The following MARCHF1 variants were observed in gnomAD, a reference collection of about 807,000 sequenced individuals.
MARCHF1 encodes membrane associated ring-CH-type finger 1.
MARCHF1 carries 40 observed loss-of-function variants against 54.2 expected under a neutral mutation model. The ratio of observed to expected loss-of-function variants is 0.74; its 90% confidence interval spans 0.57 to 0.96. The LOEUF (loss-of-function observed/expected upper bound fraction) is 0.96, where lower values mean the gene tolerates loss of function less well. Ranked by LOEUF, MARCHF1 falls within the 40% of genes least tolerant of loss-of-function variation. MARCHF1 has a pLI of 0.00. For synonymous variants in MARCHF1, 236 were observed against 236.3 expected, an observed-to-expected ratio of 1.00 and a Z score of 0.01; for missense variants, 586 against 656.5, an observed-to-expected ratio of 0.89 and a Z score of 1.17.
At chr4:164,282,142 C>T (rs1222488841) in intron 1 of MARCHF1, among the ~76,000 whole-genome samples, 1 of 150,684 alleles carries the variant, frequency 6.6e-6, no homozygotes, top group Non-Finnish European at 1.5e-5. Context: ...TTTCTTCTCC[C>T]TCACATCACA....
intron 3 of MARCHF1, among the ~76,000 whole-genome samples, chr4:163,951,847 C>G (rs191788268): frequency 1.3e-5 from 2 of 152,180 alleles, no homozygotes; most frequent in South Asian, 2.1e-4. Context: ...TATGAAGGTA[C>G]CTTAGAATGA....
At chr4:163,870,928 G>A (rs1003357237) in intron 3 of MARCHF1, among the ~76,000 whole-genome samples, 2 of 151,902 alleles carry the variant, frequency 1.3e-5, no homozygotes, top group Admixed American at 1.3e-4. Flanking sequence ...AGCACTATAG[G>A]GTGACTATAA....
chr4:163,688,862 TTGAG>T (rs1194268153), intron 5 of MARCHF1, among the ~76,000 whole-genome samples: 3 of 152,170 alleles, frequency 2.0e-5, no homozygotes, highest in South Asian at 2.1e-4. Flanking sequence ...TACTGAATTA[TTGAG>T]TATCTGCAAA....
At chr4:164,122,430 G>C (rs74207024) in intron 1 of MARCHF1, among the ~76,000 whole-genome samples, 1 of 152,122 alleles carries the variant, frequency 6.6e-6, no homozygotes, top group African/African-American at 2.4e-5. Flanking sequence ...TTTGTCAGCC[G>C]CATGTACAGT....
intron 4 of MARCHF1, among the ~76,000 whole-genome samples, chr4:163,720,573 T>G (rs191425891): frequency 7.2e-5 from 11 of 152,308 alleles, no homozygotes; most frequent in African/African-American, 1.9e-4. Flanking sequence ...AAAAAGTCAT[T>G]GGTAGCCTGA....
Position 163,828,316 on chromosome 4 carries a change from A to G in MARCHF1, c.111+25705T>C, listed in dbSNP as rs769185501. Among the ~76,000 whole-genome samples the G allele has an allele frequency of 6.7e-4, 102 of 152,276 alleles. 1 individual carries two copies. Among genetic ancestry groups the G allele is most frequent in the African/African-American group, 2.4e-3 (98 of 41,552 alleles). ...AAGCATGAAAAACAACTGTTTTTCA[A>G]CTGATTTTCATAACTATTTTTACCT... On this transcript the variant is annotated intron_variant, in intron 4 of 9. Transcript: ENST00000514618.
intron 1 of MARCHF1, among the ~76,000 whole-genome samples, chr4:164,150,414 A>G (rs1457132136): frequency 1.3e-5 from 2 of 152,202 alleles, no homozygotes; most frequent in East Asian, 1.9e-4. Flanking sequence ...GTGTGTCTGC[A>G]AATAGGTCGT....
At chr4:163,625,125 C>T (rs6536744) in intron 5 of MARCHF1, among the ~76,000 whole-genome samples, 94,408 of 152,074 alleles carry the variant, frequency 0.62, 31,244 homozygotes, top group African/African-American at 0.86. Flanking sequence ...TTCCCAAACA[C>T]ACCCATTCTT....
chr4:163,835,568 C>G (rs1270806553), intron 4 of MARCHF1, among the ~76,000 whole-genome samples: 1 of 152,114 alleles, frequency 6.6e-6, no homozygotes, highest in East Asian at 1.9e-4. Context: ...TGTTTCTGTA[C>G]CTCACTTTCA....
chr4:163,947,133 T>C (rs960556805), intron 3 of MARCHF1, among the ~76,000 whole-genome samples: 2 of 152,172 alleles, frequency 1.3e-5, no homozygotes, highest in Non-Finnish European at 2.9e-5. Flanking sequence ...TATTGGAAAA[T>C]TGTACTTCGT....
At chr4:163,531,460 T>C (rs1183019464) in intron 9 of MARCHF1, among the ~76,000 whole-genome samples, 2 of 151,782 alleles carry the variant, frequency 1.3e-5, no homozygotes, top group Non-Finnish European at 3.0e-5. Context: ...ATTTCCTTAA[T>C]GCGATAAAGA....
chr4:163,744,390 T>C (rs1746297123), intron 4 of MARCHF1, among the ~76,000 whole-genome samples: 1 of 152,194 alleles, frequency 6.6e-6, no homozygotes, highest in Non-Finnish European at 1.5e-5. Flanking sequence ...ATGGACCTCT[T>C]ATATAGTAAG....
chr4:163,836,534 C>T (rs1749189601), intron 4 of MARCHF1, among the ~76,000 whole-genome samples: 2 of 50,034 alleles, frequency 4.0e-5, no homozygotes, highest in South Asian at 1.7e-3. Flanking sequence ...CGTGAGCCAC[C>T]GCGCCCGGCT....
At chr4:163,796,259 C>T (rs1747913664) in intron 4 of MARCHF1, among the ~76,000 whole-genome samples, 1 of 123,656 alleles carries the variant, frequency 8.1e-6, no homozygotes, top group African/African-American at 3.0e-5. Flanking sequence ...CAGAGCCTGG[C>T]TCTGTCACAC....
chr4:164,079,459 T>C (rs902133023), intron 2 of MARCHF1, among the ~76,000 whole-genome samples: 2 of 152,202 alleles, frequency 1.3e-5, no homozygotes, highest in Non-Finnish European at 2.9e-5. Context: ...ACAATGTTAA[T>C]AAATATGTGC....
intron 3 of MARCHF1, among the ~76,000 whole-genome samples, chr4:163,962,087 T>A (rs963096057): frequency 1.3e-5 from 2 of 151,980 alleles, no homozygotes; most frequent in Non-Finnish European, 2.9e-5. Flanking sequence ...TAACACTAAA[T>A]GAAAATTGCT....
intron 1 of MARCHF1, among the ~76,000 whole-genome samples, chr4:164,141,246 T>A (rs1441165242): frequency 6.6e-6 from 1 of 152,194 alleles, no homozygotes; most frequent in African/African-American, 2.4e-5. Context: ...CTTCTAGAAC[T>A]TTTCCTGTCA....
rs115679986 is a variant in MARCHF1 at position 163,768,558 on chromosome 4, G to T, written c.112-67695C>A. ...CTGAATGAAAAGTCATGATCAAAAA[G>T]TGTGAAATATTTTATTAAAATCATG... On this transcript the variant is annotated intron_variant, in intron 4 of 9. Transcript: ENST00000514618. 7.9e-3 allele frequency among the ~76,000 whole-genome samples: 1,200 copies of T among 152,278 alleles called. 10 individuals carry two copies. The highest frequency in any genetic ancestry group is 0.029 in the South Asian group (142 of 4,830).
At chr4:163,659,114 T>C (rs1333100564) in intron 5 of MARCHF1, among the ~76,000 whole-genome samples, 8 of 152,028 alleles carry the variant, frequency 5.3e-5, no homozygotes. Flanking sequence ...CCATCTTTCT[T>C]GTTCTGCTCT....
Sources: gnomAD v4.1 joint callset for allele counts (sites outside exome capture counted in the v4.1 genomes callset) on GRCh38, gnomAD v4.1.1 for gene constraint, MANE v1.5 for transcripts, NCBI Gene and HGNC (gene_info 2026-07-23, HGNC 2026-07-21) for gene names.